The following HIBADH variants were observed in gnomAD, a reference collection of about 807,000 sequenced individuals.
HIBADH encodes the protein 3-hydroxyisobutyrate dehydrogenase.
Under a neutral mutation model 36.1 loss-of-function variants are expected in HIBADH, and 25 were observed. That is an observed-to-expected ratio of 0.69 (90% confidence interval 0.50 to 0.97). HIBADH has a LOEUF of 0.97. Ranked by LOEUF, HIBADH falls within the 50% of genes least tolerant of loss-of-function variation. HIBADH has a pLI of 0.00. For synonymous variants in HIBADH, 160 were observed against 149.5 expected (o/e 1.07, Z -0.51); for missense variants, 421 against 418.0 (o/e 1.01, Z -0.06).
chr7:27,542,239 TG>T (rs1311422687), intron 5 of HIBADH, among the ~76,000 whole-genome samples: 1 of 151,910 alleles, frequency 6.6e-6, no homozygotes, highest in Non-Finnish European at 1.5e-5. Flanking sequence ...AATATATCTA[TG>T]GAAAAAAAAT....
In HIBADH at chr7:27,526,249, C is replaced by T. The variant is rs767911029; in HGVS notation, c.976G>A (p.Val326Met). 1.1e-5 allele frequency: 18 copies of T among 1,611,818 alleles called. No individual in the cohort carries two copies. Among genetic ancestry groups the T allele is most frequent in the South Asian group, 5.5e-5 (5 of 90,648 alleles). ...KGYSKKDFSS[V>M]FQFLREEETF ...TCCTCCTCTCGTAGGAACTGGAACA[C>T]GGATGAGAAGTCTTTCTTTGAGTAG... Residue 326 changes from valine to methionine, a missense_variant, in exon 8 of 8, where the codon GTG (valine) becomes ATG (methionine). Physicochemically the swap from Val to Met is conservative, Grantham distance 21. Transcript: ENST00000265395.
chr7:27,645,586 T>A (rs1032552592), intron 2 of HIBADH, among the ~76,000 whole-genome samples: 9 of 151,948 alleles, frequency 5.9e-5, no homozygotes, highest in African/African-American at 2.2e-4. Context: ...TTCACCATGT[T>A]GGCCAGGCTG....
At chr7:27,551,005 T>C (rs1318437803) in intron 4 of HIBADH, among the ~76,000 whole-genome samples, 1 of 122,050 alleles carries the variant, frequency 8.2e-6, no homozygotes, top group African/African-American at 2.8e-5. Context: ...AACACACACA[T>C]ACACATACAC....
At chr7:27,555,342 A>T (rs1424943603) in intron 4 of HIBADH, among the ~76,000 whole-genome samples, 4 of 149,732 alleles carry the variant, frequency 2.7e-5, no homozygotes, top group African/African-American at 9.8e-5. Flanking sequence ...ACTAAGCCAA[A>T]TACATAAACC....
chr7:27,645,379 T>TG lies in HIBADH; in HGVS notation c.252+4093_252+4094insC, dbSNP rs1562657272. ...GTCTCATGGTTTTGATTTTTTTTTT[T>TG]TTTTTTTTTTTTTTTTGAGACAGAG... On this transcript the variant is annotated intron_variant, in intron 2 of 7. Transcript: ENST00000265395. 3.8e-4 allele frequency among the ~76,000 whole-genome samples: 48 copies of TG among 127,184 alleles called. 1 individual carries two copies. The highest frequency in any genetic ancestry group is 1.2e-3 in the African/African-American group (37 of 31,242). 83.4% of individuals were successfully genotyped at this position (127,184 alleles called of 152,430 possible).
chr7:27,595,516 G>GA (rs1372248440), intron 4 of HIBADH, among the ~76,000 whole-genome samples: 12 of 139,310 alleles, frequency 8.6e-5, no homozygotes, highest in Admixed American at 6.7e-4. Context: ...CAGCCTAGGC[G>GA]AAAGAGACTC....
intron 1 of HIBADH, 80 bp from the exon 2 acceptor site, chr7:27,649,713 T>A: frequency 7.5e-7 from 1 of 1,339,288 alleles, no homozygotes; most frequent in East Asian, 2.5e-5. Context: ...GCAAGTCAAT[T>A]GTTAGATTTT....
intron 1 of HIBADH, 143 bp downstream of exon 1, chr7:27,662,555 G>GA (rs1306594985): frequency 2.3e-6 from 1 of 443,316 alleles, no homozygotes; most frequent in Non-Finnish European, 4.0e-6. Context: ...GAAAAGGACA[G>GA]GCCTTTAGTA....
chr7:27,594,423 G>A (rs571386773), intron 4 of HIBADH, among the ~76,000 whole-genome samples: 3 of 152,200 alleles, frequency 2.0e-5, no homozygotes, highest in Non-Finnish European at 2.9e-5. Context: ...GATTACAGGC[G>A]TGAGCCACTG....
At chr7:27,578,944 C>G (rs1010382804) in intron 4 of HIBADH, among the ~76,000 whole-genome samples, 9 of 151,984 alleles carry the variant, frequency 5.9e-5, no homozygotes, top group Non-Finnish European at 8.8e-5. Flanking sequence ...TCAGACAAAT[C>G]AAGAATGAGG....
chr7:27,652,954 C>T (rs1319861654), intron 1 of HIBADH, among the ~76,000 whole-genome samples: 1 of 152,012 alleles, frequency 6.6e-6, no homozygotes, highest in Non-Finnish European at 1.5e-5. Context: ...CATGGTGAAA[C>T]CCAGTCTTTA....
rs1282516100 is a variant in HIBADH, at chr7:27,531,357, G to A, written c.696-9C>T. 2.5e-6 allele frequency: 4 copies of A among 1,597,870 alleles called. No homozygotes were observed. Among genetic ancestry groups the A allele is most frequent in the South Asian group, 1.1e-5 (1 of 88,964 alleles). On this transcript the variant is annotated splice_polypyrimidine_tract_variant and intron_variant, in intron 6 of 7. Coordinates refer to ENST00000265395, the MANE Select transcript of HIBADH (RefSeq NM_152740.4). ...TTGGGTCAAGCCCTAACCTGTCAAA[G>A]GTCAAAGAAAAGAAGTGTTAAGTGT... is the stretch of plus-strand genomic sequence containing the variant.
At chr7:27,543,715 A>G (rs1353169891) in intron 4 of HIBADH, among the ~76,000 whole-genome samples, 2 of 151,958 alleles carry the variant, frequency 1.3e-5, no homozygotes, top group Non-Finnish European at 2.9e-5. Context: ...ATATTATTTG[A>G]TTTTTCTTTT....
chr7:27,654,722 T>A (rs1263954433), intron 1 of HIBADH, among the ~76,000 whole-genome samples: 3 of 150,850 alleles, frequency 2.0e-5, no homozygotes, highest in African/African-American at 7.3e-5. Flanking sequence ...AGGGTCTCAC[T>A]CTGTCGCCCA....
chr7:27,639,408 A>C (rs996805035), intron 2 of HIBADH, among the ~76,000 whole-genome samples: 9 of 152,108 alleles, frequency 5.9e-5, no homozygotes, highest in Admixed American at 5.2e-4. Context: ...AGACACAAAG[A>C]AAGGAACAAC....
chr7:27,608,940 C>T (rs551497632), intron 4 of HIBADH, among the ~76,000 whole-genome samples: 1 of 152,308 alleles, frequency 6.6e-6, no homozygotes, highest in Non-Finnish European at 1.5e-5. Context: ...CAGGTTCCCC[C>T]TCTACCACAG....
At chr7:27,644,763 A>T (rs945367200) in intron 2 of HIBADH, among the ~76,000 whole-genome samples, 2 of 139,572 alleles carry the variant, frequency 1.4e-5, no homozygotes, top group Non-Finnish European at 1.6e-5. Context: ...GACTCCATTT[A>T]AAAAAAAAAA....
At chr7:27,539,796 G>T (rs1197271994) in intron 5 of HIBADH, among the ~76,000 whole-genome samples, 1 of 148,796 alleles carries the variant, frequency 6.7e-6, no homozygotes, top group Admixed American at 6.6e-5. Context: ...ATAAACAGTT[G>T]ATTAACACAT....
chr7:27,589,587 A>C (rs554322176), intron 4 of HIBADH, among the ~76,000 whole-genome samples: 1 of 152,330 alleles, frequency 6.6e-6, no homozygotes, highest in South Asian at 2.1e-4. Context: ...AGAGATATTA[A>C]ATAACTAGGA....
Sources: allele counts gnomAD v4.1 joint callset (sites outside exome capture counted in the v4.1 genomes callset), GRCh38; gene constraint gnomAD v4.1.1; transcripts MANE v1.5; gene names NCBI Gene and HGNC (gene_info 2026-07-23, HGNC 2026-07-21).